The following RBFOX3 variants were observed in gnomAD, a reference collection of about 807,000 sequenced individuals.
RBFOX3 encodes the protein RNA binding protein fox-1 homolog 3.
In RBFOX3, 17 loss-of-function variants were observed where a neutral mutation model predicts 48.7. The observed-to-expected ratio is 0.35, with a 90% CI of 0.24 to 0.52. The LOEUF (loss-of-function observed/expected upper bound fraction) is 0.52. RBFOX3 is among the 20% of genes least tolerant of loss of function. The probability of loss-of-function intolerance (pLI) is 0.94; values close to 1 mark genes in which losing one functional copy is unlikely to be tolerated. For synonymous variants in RBFOX3, 212 were observed against 209.5 expected (o/e 1.01, Z -0.10); for missense variants, 382 against 497.5 (o/e 0.77, Z 2.21).
At position 79,311,070 on chromosome 17, in the gene RBFOX3, T is replaced by A. The variant is rs2076785724; in HGVS notation, c.-174-3246A>T. 1.3e-5 allele frequency among the ~76,000 whole-genome samples: 2 copies of A among 152,144 alleles called. No homozygotes were observed. The highest frequency in any genetic ancestry group is 2.4e-5 in the African/African-American group (1 of 41,422). On this transcript the variant is annotated intron_variant, in intron 2 of 14. Transcript: ENST00000693108. The surrounding 1 kb of genome is among the most constrained non-coding windows in gnomAD (Gnocchi z 4.2). Reference sequence around the variant, plus strand: ...GGCTTCATCCAGTCAGTCGAAAGGCTTCATCCGGTCAGTTAAAAGGCCTTA... The same window carrying A: ...GGCTTCATCCAGTCAGTCGAAAGGCATCATCCGGTCAGTTAAAAGGCCTTA...
At chr17:79,663,031 G>A in the RBFOX3 span, among the ~76,000 whole-genome samples, 1 of 152,092 alleles carries the variant, frequency 6.6e-6, no homozygotes, top group Non-Finnish European at 1.5e-5. Flanking sequence ...CTGCAACCAC[G>A]TTTTATTCCC....
chr17:79,383,481 C>A (rs1840318450), intron 2 of RBFOX3, among the ~76,000 whole-genome samples: 1 of 152,256 alleles, frequency 6.6e-6, no homozygotes, highest in East Asian at 1.9e-4. Flanking sequence ...AGCACAAAAT[C>A]TTGGGCTTTC....
intron 2 of RBFOX3, among the ~76,000 whole-genome samples, chr17:79,435,485 G>A (rs575317631): frequency 9.2e-5 from 14 of 152,328 alleles, no homozygotes; most frequent in South Asian, 2.1e-4. Context: ...CTGAGCCTAC[G>A]CTCCAAACCC....
Position 79,273,474 on chromosome 17 carries a change from A to G in RBFOX3, c.-74+34250T>C, listed in dbSNP as rs570253054. ...GGAGGAGGTGTGCAGAGGCCTTCAC[A>G]TAGTAGGCTGCCCTGTGCCCAGAGT... is the stretch of plus-strand genomic sequence containing the variant. On this transcript the variant is annotated intron_variant, in intron 3 of 14. Coordinates refer to ENST00000693108, the MANE Select transcript of RBFOX3 (RefSeq NM_001350451.2). 8.0e-5 allele frequency among the ~76,000 whole-genome samples: 12 copies of G among 149,850 alleles called. No homozygotes were observed. In the East Asian group the frequency reaches 2.4e-3, roughly 31 times the overall value.
At chr17:79,401,993 G>A (rs1341489196) in intron 2 of RBFOX3, among the ~76,000 whole-genome samples, 1 of 152,206 alleles carries the variant, frequency 6.6e-6, no homozygotes, top group African/African-American at 2.4e-5. Flanking sequence ...GACCTTCCAC[G>A]TTACCTGCAG....
At chr17:79,497,818 C>G (rs1338907434) in intron 1 of RBFOX3, among the ~76,000 whole-genome samples, 2 of 152,218 alleles carry the variant, frequency 1.3e-5, no homozygotes, top group Non-Finnish European at 2.9e-5. Flanking sequence ...ATGGCCACCC[C>G]AGCAGGGACT....
chr17:79,449,199 T>C (rs905692354), intron 2 of RBFOX3, among the ~76,000 whole-genome samples: 1 of 152,004 alleles, frequency 6.6e-6, no homozygotes, highest in South Asian at 2.1e-4. Flanking sequence ...TCTGGCACTG[T>C]GTGTTTTTTT....
chr17:79,360,046 A>AT (rs1016699166), intron 2 of RBFOX3, among the ~76,000 whole-genome samples: 14 of 140,612 alleles, frequency 1.0e-4, no homozygotes, highest in Non-Finnish European at 1.2e-4. Context: ...ATGTTTCTTT[A>AT]TTTTTTTTTT....
chr17:79,540,039 G>A (rs2089446321), intron 1 of RBFOX3, among the ~76,000 whole-genome samples: 1 of 152,226 alleles, frequency 6.6e-6, no homozygotes, highest in South Asian at 2.1e-4. Flanking sequence ...GGAAGAAACA[G>A]CTTCACAAAT....
intron 4 of RBFOX3, among the ~76,000 whole-genome samples, chr17:79,157,011 A>G (rs887822872): frequency 2.6e-5 from 4 of 152,184 alleles, no homozygotes; most frequent in African/African-American, 9.6e-5. Context: ...CTCCCTGGCC[A>G]GAGCAGCAGC....
chr17:79,645,317 C>A, the RBFOX3 span, among the ~76,000 whole-genome samples: 39 of 152,188 alleles, frequency 2.6e-4, no homozygotes, highest in African/African-American at 8.7e-4. Flanking sequence ...CAGTCCCACC[C>A]TCCTCCTCCT....
intron 3 of RBFOX3, among the ~76,000 whole-genome samples, chr17:79,302,427 C>G (rs1480226114): frequency 6.6e-6 from 1 of 152,204 alleles, no homozygotes. Context: ...CACCTGTAAT[C>G]TCAGCACTTT....
intron 4 of RBFOX3, among the ~76,000 whole-genome samples, chr17:79,135,379 T>C (rs1245003971): frequency 1.3e-5 from 2 of 152,168 alleles, no homozygotes; most frequent in Non-Finnish European, 2.9e-5. Flanking sequence ...GCCCCAGCCA[T>C]TAGCCTCTCC....
intron 4 of RBFOX3, among the ~76,000 whole-genome samples, chr17:79,152,261 C>T (rs940943241): frequency 6.6e-6 from 1 of 152,106 alleles, no homozygotes; most frequent in Non-Finnish European, 1.5e-5. Flanking sequence ...GGCCTGGCCA[C>T]CCCCGGGGCG....
intron 3 of RBFOX3, among the ~76,000 whole-genome samples, chr17:79,256,522 C>T (rs538708587): frequency 2.0e-5 from 3 of 152,318 alleles, no homozygotes; most frequent in African/African-American, 7.2e-5. Context: ...TTTACTCCAA[C>T]CTGCTACAGC....
chr17:79,154,839 G>A (rs902466650), intron 4 of RBFOX3, among the ~76,000 whole-genome samples: 4 of 145,812 alleles, frequency 2.7e-5, no homozygotes, highest in African/African-American at 4.9e-5. Flanking sequence ...GAGCAAGTGC[G>A]AACCCTCCCA....
chr17:79,632,204 T>A, the RBFOX3 span, among the ~76,000 whole-genome samples: 1 of 152,214 alleles, frequency 6.6e-6, no homozygotes, highest in Admixed American at 6.5e-5. Context: ...CTGAACAGAA[T>A]TTAATATTTG....
At chr17:79,350,540 C>T (rs2083719116) in intron 2 of RBFOX3, among the ~76,000 whole-genome samples, 3 of 152,220 alleles carry the variant, frequency 2.0e-5, no homozygotes, top group African/African-American at 4.8e-5. Context: ...TGAAAGTCTA[C>T]ATCCCAGAAA....
In RBFOX3 at chr17:79,199,886, C is replaced by A. The variant is rs995961041; in HGVS notation, c.-34+35880G>T. On this transcript the variant is annotated intron_variant, in intron 4 of 14. Coordinates refer to ENST00000693108, the MANE Select transcript of RBFOX3 (RefSeq NM_001350451.2). The surrounding 1 kb of genome is among the most constrained non-coding windows in gnomAD (Gnocchi z 5.1). ...ATAAAATGGGGAGAAAAGGGCCGGA[C>A]GTGGTGGCTCACGCCTGTAATCCCA... Among the ~76,000 whole-genome samples, 1 of 152,010 alleles carries A rather than the reference C, an allele frequency of 6.6e-6. No homozygotes were observed. The highest frequency in any genetic ancestry group is 1.5e-5 in the Non-Finnish European group (1 of 67,972).
Sources: gnomAD v4.1 joint callset for allele counts (sites outside exome capture counted in the v4.1 genomes callset) on GRCh38, gnomAD v4.1.1 for gene constraint, Gnocchi (gnomAD v3.1) non-coding constraint, MANE v1.5 for transcripts, NCBI Gene and HGNC (gene_info 2026-07-23, HGNC 2026-07-21) for gene names.